Variants in IMMP2L observed in about 807,000 individuals in gnomAD.
IMMP2L encodes mitochondrial inner membrane protease subunit 2.
In IMMP2L, 18 loss-of-function variants were observed where a neutral mutation model predicts 19.3. The observed-to-expected ratio is 0.93, with a 90% CI of 0.64 to 1.38. The LOEUF is 1.38. Ranked by LOEUF, IMMP2L falls within the 40% of genes most tolerant of loss-of-function variation. The pLI, the probability that IMMP2L is intolerant of heterozygous loss-of-function variation, is 0.00. For missense variants in IMMP2L, 233 were observed against 218.2 expected, an observed-to-expected ratio of 1.07 and a Z score of -0.43; for synonymous variants, 76 against 73.0, an observed-to-expected ratio of 1.04 and a Z score of -0.21.
At chr7:110,815,486 G>T (rs1349892726) in intron 5 of IMMP2L, among the ~76,000 whole-genome samples, 1 of 152,156 alleles carries the variant, frequency 6.6e-6, no homozygotes, top group Non-Finnish European at 1.5e-5. Context: ...CTCATAAAAT[G>T]AGTTAGGGAG....
At chr7:110,815,879 A>G (rs991198701) in intron 5 of IMMP2L, among the ~76,000 whole-genome samples, 14 of 151,982 alleles carry the variant, frequency 9.2e-5, no homozygotes, top group Non-Finnish European at 1.8e-4. Flanking sequence ...TAGTCTTGCT[A>G]GCGGTCTATC....
intron 3 of IMMP2L, among the ~76,000 whole-genome samples, chr7:111,034,614 A>C (rs1214242020): frequency 6.6e-6 from 1 of 152,138 alleles, no homozygotes; most frequent in Non-Finnish European, 1.5e-5. Flanking sequence ...AGAAAATTCT[A>C]TATTGCGGTA....
intron 5 of IMMP2L, among the ~76,000 whole-genome samples, chr7:110,842,921 T>C (rs892135981): frequency 6.6e-6 from 1 of 152,178 alleles, no homozygotes; most frequent in Non-Finnish European, 1.5e-5. Flanking sequence ...CAGAGCAGGC[T>C]ACCCGAATGG....
At chr7:110,688,065 G>A (rs6952247) in intron 5 of IMMP2L, among the ~76,000 whole-genome samples, 1 of 151,916 alleles carries the variant, frequency 6.6e-6, no homozygotes, top group Non-Finnish European at 1.5e-5. Flanking sequence ...CATGGAAATC[G>A]AGAGACGGAA....
At chr7:111,101,989 A>G (rs775460876) in intron 3 of IMMP2L, among the ~76,000 whole-genome samples, 9 of 151,464 alleles carry the variant, frequency 5.9e-5, no homozygotes, top group South Asian at 2.1e-4. Flanking sequence ...TTCATACACT[A>G]TATCTCACTC....
chr7:111,226,676 C>T (rs894287016), intron 3 of IMMP2L, among the ~76,000 whole-genome samples: 3 of 151,960 alleles, frequency 2.0e-5, no homozygotes, highest in Admixed American at 6.6e-5. Flanking sequence ...ATAATTATAG[C>T]TAATTGTGAA....
intron 5 of IMMP2L, among the ~76,000 whole-genome samples, chr7:110,675,542 C>T (rs1342495900): frequency 1.3e-5 from 2 of 152,088 alleles, no homozygotes; most frequent in Admixed American, 1.3e-4. Context: ...ATTTTGAAAA[C>T]ATTACTATTG....
At chr7:111,328,208 G>C (rs922442950) in intron 3 of IMMP2L, among the ~76,000 whole-genome samples, 3 of 151,684 alleles carry the variant, frequency 2.0e-5, no homozygotes, top group African/African-American at 7.3e-5. Context: ...TTTGAAAACT[G>C]TCAATACAGC....
chr7:110,793,225 G>A (rs529872535), intron 5 of IMMP2L, among the ~76,000 whole-genome samples: 3 of 152,138 alleles, frequency 2.0e-5, no homozygotes, highest in South Asian at 4.2e-4. Flanking sequence ...GTACAAACCA[G>A]CCTGCCCAAC....
intron 5 of IMMP2L, among the ~76,000 whole-genome samples, chr7:110,737,028 A>G (rs1796677921): frequency 6.6e-6 from 1 of 152,124 alleles, no homozygotes; most frequent in East Asian, 1.9e-4. Flanking sequence ...ATTCATATTG[A>G]GAAATTGAGG....
At chr7:110,671,169 G>C (rs1400466827) in intron 5 of IMMP2L, among the ~76,000 whole-genome samples, 3 of 152,212 alleles carry the variant, frequency 2.0e-5, no homozygotes, top group African/African-American at 7.2e-5. Context: ...CTATGGTAGA[G>C]TGGGAGGGCA....
intron 3 of IMMP2L, chr7:111,125,104 G>T: frequency 2.2e-6 from 1 of 461,630 alleles, no homozygotes; most frequent in Admixed American, 4.0e-5. Context: ...CTGGCTTCAA[G>T]GGGTACTGTG....
chr7:110,942,017 A>G (rs991144492), intron 4 of IMMP2L, among the ~76,000 whole-genome samples: 5 of 151,976 alleles, frequency 3.3e-5, no homozygotes, highest in Non-Finnish European at 7.4e-5. Flanking sequence ...TGAATATTAA[A>G]TCTGTTTTGT....
intron 3 of IMMP2L, among the ~76,000 whole-genome samples, chr7:110,985,385 G>A (rs1164123940): frequency 1.3e-5 from 2 of 152,006 alleles, no homozygotes; most frequent in Non-Finnish European, 2.9e-5. Flanking sequence ...GACCTCTAAG[G>A]ATCAAGAATC....
intron 3 of IMMP2L, among the ~76,000 whole-genome samples, chr7:111,398,905 G>C (rs1833151639): frequency 6.7e-6 from 1 of 150,230 alleles, no homozygotes; most frequent in Admixed American, 6.6e-5. Context: ...AAAATACTTA[G>C]GAATACAGCT....
chr7:110,778,744 G>A (rs1454360589), intron 5 of IMMP2L, among the ~76,000 whole-genome samples: 6 of 151,932 alleles, frequency 3.9e-5, no homozygotes, highest in Admixed American at 2.6e-4. Context: ...CATCATTTTA[G>A]ATATGTGGCC....
At chr7:111,538,743 G>A (rs939985746) in intron 1 of IMMP2L, among the ~76,000 whole-genome samples, 1 of 146,954 alleles carries the variant, frequency 6.8e-6, no homozygotes, top group Admixed American at 6.9e-5. Context: ...CAAGGAGATC[G>A]AGACTGCAGT....
chr7:111,110,106 G>A (rs1377362015), intron 3 of IMMP2L, among the ~76,000 whole-genome samples: 9 of 152,180 alleles, frequency 5.9e-5, no homozygotes, highest in Non-Finnish European at 1.2e-4. Context: ...CTGCACTCCA[G>A]CCTAGGCAAC....
At chr7:110,667,607 T>C (rs1791550981) in intron 5 of IMMP2L, among the ~76,000 whole-genome samples, 1 of 152,130 alleles carries the variant, frequency 6.6e-6, no homozygotes, top group Non-Finnish European at 1.5e-5. Flanking sequence ...GCTTTGAAGG[T>C]GCAGAAAAGG....
Sources: allele counts gnomAD v4.1 joint callset (sites outside exome capture counted in the v4.1 genomes callset), GRCh38; gene constraint gnomAD v4.1.1; transcripts MANE v1.5; gene names NCBI Gene and HGNC (gene_info 2026-07-23, HGNC 2026-07-21).